TTBK1: variants seen among roughly 807,000 people sequenced by gnomAD.
TTBK1 encodes the protein tau tubulin kinase 1.
TTBK1 carries 34 observed loss-of-function variants against 108.5 expected under a neutral mutation model. The observed-to-expected ratio is 0.31, with a 90% CI of 0.24 to 0.42. The LOEUF is 0.42. Ranked by LOEUF, TTBK1 falls within the 10% of genes least tolerant of loss-of-function variation. The pLI, the probability that TTBK1 is intolerant of heterozygous loss-of-function variation, is 1.00. For missense variants in TTBK1, 1,539 were observed against 1,826.0 expected (o/e 0.84, Z 2.86); for synonymous variants, 809 against 795.1 (o/e 1.02, Z -0.29).
chr6:43,270,800 T>C (rs986020841), intron 13 of TTBK1: 1 of 985,296 alleles, frequency 1.0e-6, no homozygotes, highest in African/African-American at 1.7e-5. Context: ...CAGTGGCAGC[T>C]AAGGTGGTTG....
Position 43,255,175 on chromosome 6 carries a change from T to C in TTBK1, c.642+61T>C. On this transcript the variant is annotated intron_variant, in intron 7 of 14. Transcript: ENST00000259750. ...TGGGAGGGGCAAGGTCGGGGTGCAG[T>C]GTGCTGCTGGGGAGGGGTGGGGAGA... The C allele has an allele frequency of 1.7e-5, 15 of 883,088 alleles. No individual in the cohort carries two copies. In the South Asian group the frequency reaches 2.1e-4, roughly 12 times the overall value. The allele number at this position is 883,088 out of a possible 1,614,324, so 54.7% of individuals were successfully genotyped here. A position where few individuals can be genotyped will look rare whatever the true frequency, so the allele number is the denominator to read the frequency against.
intron 13 of TTBK1, among the ~76,000 whole-genome samples, chr6:43,274,214 C>T (rs992655711): frequency 2.6e-5 from 4 of 152,200 alleles, no homozygotes; most frequent in African/African-American, 9.7e-5. Flanking sequence ...TCATCCCAAC[C>T]GCTAACATCC....
chr6:43,253,235 G>T lies in TTBK1; in HGVS notation c.257-56G>T, dbSNP rs553723976. The stretch of plus-strand genomic sequence containing the variant: ...GAGTGCACTAGGAACCCATCTTAGG[G>T]TTGGAAATGAGGAAGAAAGAGTAAG... On this transcript the variant is annotated intron_variant, in intron 3 of 14. Transcript: ENST00000259750. This position sits in a 1 kb window ranked among gnomAD's most constrained non-coding sequence, Gnocchi z 5.8. 6.2e-5 allele frequency: 99 copies of T among 1,592,552 alleles called. No homozygotes were observed. The African/African-American group carries it at 1.1e-3, about 17-fold the overall frequency.
Position 43,254,310 on chromosome 6 carries a change from G to A in TTBK1, c.472-237G>A, listed in dbSNP as rs141705528. ...CCACTTGCTGTGTAATCTCAGAGATGCTTCCTAAGCTCTTTGACCTTTAGT... is the reference window on the plus strand; with the variant it reads ...CCACTTGCTGTGTAATCTCAGAGATACTTCCTAAGCTCTTTGACCTTTAGT... On this transcript the variant is annotated intron_variant, in intron 5 of 14. Coordinates refer to ENST00000259750, the MANE Select transcript of TTBK1 (RefSeq NM_032538.3). 7.2e-5 allele frequency among the ~76,000 whole-genome samples: 11 copies of A among 152,386 alleles called. No homozygotes were observed. In the East Asian group the frequency reaches 1.2e-3, roughly 16 times the overall value.
chr6:43,253,661 A>G lies in TTBK1; in HGVS notation c.424A>G (p.Ile142Val). 6.2e-7 allele frequency: 1 copy of G among 1,612,642 alleles called. No individual in the cohort carries two copies. Among genetic ancestry groups the G allele is most frequent in the Non-Finnish European group, 8.5e-7 (1 of 1,179,690 alleles). Residue 142 changes from isoleucine to valine, a missense_variant, in exon 5 of 15, where the codon ATC becomes GTC. Transcript: ENST00000259750. This position sits in a 1 kb window ranked among gnomAD's most constrained non-coding sequence, Gnocchi z 5.8. ...LRLGKQILES[I>V]EAIHSVGFLH... ...GCTGGGCAAGCAGATCTTGGAGTCC[A>G]TCGAGGCCATCCACTCTGTGGGCTT...
At position 43,248,645 on chromosome 6, in the gene TTBK1, C is replaced by T. The variant is rs572945846; in HGVS notation, c.108+1877C>T. Among the ~76,000 whole-genome samples, 3 of 152,242 alleles carry T rather than the reference C, an allele frequency of 2.0e-5. No homozygotes were observed. The East Asian group carries it at 5.8e-4, about 29-fold the overall frequency. The stretch of plus-strand genomic sequence containing the variant: ...GGCTGAGGCAGGAGAATCACTTGAA[C>T]CTGGAAGGCAGAGGTTGCAGTGAAC... On this transcript the variant is annotated intron_variant, in intron 2 of 14. Transcript: ENST00000259750.
intron 1 of TTBK1, among the ~76,000 whole-genome samples, chr6:43,245,262 C>G (rs1777056653): frequency 6.6e-6 from 1 of 152,182 alleles, no homozygotes; most frequent in Non-Finnish European, 1.5e-5. Context: ...CCCGCAACCC[C>G]CAAACCCCAG....
At chr6:43,274,752 T>C (rs1268691726) in intron 13 of TTBK1, among the ~76,000 whole-genome samples, 1 of 151,740 alleles carries the variant, frequency 6.6e-6, no homozygotes, top group Non-Finnish European at 1.5e-5. Flanking sequence ...TCCTTCTCCC[T>C]AAGGGAAGGG....
In TTBK1 at chr6:43,253,012, C is replaced by T. The variant is rs1047344055; in HGVS notation, c.256+126C>T. On this transcript the variant is annotated intron_variant, in intron 3 of 14. Coordinates refer to ENST00000259750, the MANE Select transcript of TTBK1 (RefSeq NM_032538.3). This position sits in a 1 kb window ranked among gnomAD's most constrained non-coding sequence, Gnocchi z 5.8. ...GTGGTAGAGGGAAAAGGGGATGGAGCCAGGAGCTAAGGGGGAGGTGACGGA... is the reference window on the plus strand; with the variant it reads ...GTGGTAGAGGGAAAAGGGGATGGAGTCAGGAGCTAAGGGGGAGGTGACGGA... 8 of 1,243,922 alleles carry T rather than the reference C, an allele frequency of 6.4e-6. No homozygotes were observed. In the African/African-American group the frequency reaches 1.0e-4, roughly 16 times the overall value. 77.1% of individuals were successfully genotyped at this position (1,243,922 alleles called of 1,614,324 possible).
intron 13 of TTBK1, among the ~76,000 whole-genome samples, chr6:43,279,903 A>G (rs1307741143): frequency 6.6e-6 from 1 of 151,778 alleles, no homozygotes; most frequent in Non-Finnish European, 1.5e-5. Context: ...GTGCACAACC[A>G]CGCCCAGCTA....
chr6:43,280,794 C>G (rs1778135172), intron 13 of TTBK1, among the ~76,000 whole-genome samples: 1 of 152,138 alleles, frequency 6.6e-6, no homozygotes, highest in African/African-American at 2.4e-5. Flanking sequence ...GACAGGAAGG[C>G]TTTGTCTCCT....
chr6:43,284,070 G>T lies in TTBK1; in HGVS notation c.3330G>T (p.Ser1110=). 1 of 1,539,120 alleles carries T rather than the reference G, an allele frequency of 6.5e-7. No homozygotes were observed. ...RLLLRLASGA[S]SSSSEEQRRA... is the part of the protein sequence containing the mutation. Reference sequence around the variant, plus strand: ...TGTTGCGGCTGGCCTCAGGGGCCTCGTCCTCCTCCAGTGAGGAGCAGCGCC... The same window carrying T: ...TGTTGCGGCTGGCCTCAGGGGCCTCTTCCTCCTCCAGTGAGGAGCAGCGCC... Residue 1110 remains serine (S), a synonymous_variant, in exon 14 of 15, where the codon TCG becomes TCT. Coordinates refer to ENST00000259750, the MANE Select transcript of TTBK1 (RefSeq NM_032538.3).
Position 43,286,467 on chromosome 6 carries a change from GTCC to G in TTBK1, c.*1095_*1097del, listed in dbSNP as rs1778385467. 6.6e-6 allele frequency: 1 copy of G among 152,606 alleles called. No homozygotes were observed. The highest frequency in any genetic ancestry group is 2.4e-5 in the African/African-American group (1 of 41,426). 9.5% of individuals were successfully genotyped at this position (152,606 alleles called of 1,614,324 possible). A position where few individuals can be genotyped will look rare whatever the true frequency, so the allele number is the denominator to read the frequency against. On this transcript the variant is annotated 3_prime_UTR_variant, in exon 15 of 15. Coordinates refer to ENST00000259750, the MANE Select transcript of TTBK1 (RefSeq NM_032538.3). This position sits in a 1 kb window ranked among gnomAD's most constrained non-coding sequence, Gnocchi z 4.6. ...CAGTTCTGGTGGGGTCACCCTCCCTGTCCTCCCGCCTGTGGGAGGGAGGGAGGG... is the reference window on the plus strand; with the variant it reads ...CAGTTCTGGTGGGGTCACCCTCCCTGTCCCGCCTGTGGGAGGGAGGGAGGG...
At chr6:43,277,876 A>G (rs1441074889) in intron 13 of TTBK1, among the ~76,000 whole-genome samples, 1 of 152,098 alleles carries the variant, frequency 6.6e-6, no homozygotes, top group Non-Finnish European at 1.5e-5. Context: ...TCCCTACTGG[A>G]GGAGAGGAGG....
chr6:43,249,443 G>T (rs906700436), intron 2 of TTBK1, among the ~76,000 whole-genome samples: 1 of 151,986 alleles, frequency 6.6e-6, no homozygotes, highest in Non-Finnish European at 1.5e-5. Context: ...ACTTTCATGG[G>T]CCCCTTCCTC....
At chr6:43,284,830 C>A in intron 14 of TTBK1, 153 bp from the exon 15 acceptor site, 4 of 1,319,674 alleles carry the variant, frequency 3.0e-6, no homozygotes, top group South Asian at 3.8e-5. Context: ...GGACAGAGAG[C>A]CAGGCCTCAG....
Position 43,285,056 on chromosome 6 carries a change from C to G in TTBK1, c.3646C>G (p.Leu1216Val). 1 of 1,509,982 alleles carries G rather than the reference C, an allele frequency of 6.6e-7. No individual in the cohort carries two copies. Among genetic ancestry groups the G allele is most frequent in the Non-Finnish European group, 8.8e-7 (1 of 1,135,990 alleles). 93.5% of individuals were successfully genotyped at this position (1,509,982 alleles called of 1,614,324 possible). Residue 1216 changes from leucine to valine, a missense_variant, in exon 15 of 15, where the codon CTG becomes GTG. Around this residue, in one of 5 missense-constraint regions of TTBK1, gnomAD observed 1,055 missense variants for 1,086.5 expected, o/e 0.97. Coordinates refer to ENST00000259750, the MANE Select transcript of TTBK1 (RefSeq NM_032538.3). The surrounding 1 kb of genome is among the most constrained non-coding windows in gnomAD (Gnocchi z 4.7). Reference protein sequence around the residue: ...LRPKQPPGRGLGPGRAQAGAR... With the variant: ...LRPKQPPGRGVGPGRAQAGAR... ...CCCCAAACAACCTCCTGGCCGCGGC[C>G]TGGGCCCAGGGCGAGCCCAAGCCGG...
In TTBK1 at chr6:43,263,458, G is replaced by A; in HGVS notation, c.1986+108G>A. Reference sequence around the variant, plus strand: ...GGCACTACTGACCAGTAAGCCAGCAGTCACAGGGCTGTGATGGAGGTAGAC... The same window carrying A: ...GGCACTACTGACCAGTAAGCCAGCAATCACAGGGCTGTGATGGAGGTAGAC... On this transcript the variant is annotated intron_variant, in intron 13 of 14. Transcript: ENST00000259750. This position sits in a 1 kb window ranked among gnomAD's most constrained non-coding sequence, Gnocchi z 4.7. 1 of 1,101,512 alleles carries A rather than the reference G, an allele frequency of 9.1e-7. No individual in the cohort carries two copies. The highest frequency in any genetic ancestry group is 2.8e-5 in the East Asian group (1 of 36,102). The allele number at this position is 1,101,512 out of a possible 1,614,324, so 68.2% of individuals were successfully genotyped here. A position where few individuals can be genotyped will look rare whatever the true frequency, so the allele number is the denominator to read the frequency against.
chr6:43,275,902 C>A (rs551519010), intron 13 of TTBK1, among the ~76,000 whole-genome samples: 188 of 152,198 alleles, frequency 1.2e-3, no homozygotes, highest in Non-Finnish European at 2.3e-3. Context: ...GGGGAGGGGG[C>A]GGGGCTCCGG....
Sources: gnomAD v4.1 joint callset for allele counts (sites outside exome capture counted in the v4.1 genomes callset) on GRCh38, gnomAD v4.1.1 for gene constraint, gnomAD v4.1.1 regional missense constraint, Gnocchi (gnomAD v3.1) non-coding constraint, MANE v1.5 for transcripts, NCBI Gene and HGNC (gene_info 2026-07-23, HGNC 2026-07-21) for gene names.